The following GALNTL6 variants were observed in gnomAD, a reference collection of about 807,000 sequenced individuals.
The protein encoded by GALNTL6 is polypeptide N-acetylgalactosaminyltransferase like 6.
Under a neutral mutation model 73.7 loss-of-function variants are expected in GALNTL6, and 46 were observed. The ratio of observed to expected loss-of-function variants is 0.62; its 90% CI spans 0.49 to 0.80. The LOEUF is 0.80. Ranked by LOEUF, GALNTL6 falls within the 30% of genes least tolerant of loss-of-function variation. The probability of loss-of-function intolerance (pLI) is 0.00; values close to 1 mark genes in which losing one functional copy is unlikely to be tolerated. For synonymous variants in GALNTL6, 259 were observed against 263.7 expected (o/e 0.98, Z 0.17); for missense variants, 604 against 755.0 (o/e 0.80, Z 2.34).
intron 5 of GALNTL6, among the ~76,000 whole-genome samples, chr4:172,487,295 C>CTTCTTTCCTTCTTTCTTTCTTTCT (rs1554029530): frequency 3.7e-5 from 3 of 81,518 alleles, no homozygotes; most frequent in Non-Finnish European, 5.0e-5. Context: ...TCCTTCTTTC[C>CTTCTTTCCTTCTTTCTTTCTTTCT]TTCTGTCTTT....
At chr4:171,953,591 A>C (rs902376269) in intron 2 of GALNTL6, among the ~76,000 whole-genome samples, 16 of 152,314 alleles carry the variant, frequency 1.1e-4, no homozygotes, top group African/African-American at 3.6e-4. Flanking sequence ...ACCTAAATAC[A>C]AGACATTCAA....
At chr4:172,652,271 C>A (rs1029371088) in intron 5 of GALNTL6, among the ~76,000 whole-genome samples, 1 of 151,714 alleles carries the variant, frequency 6.6e-6, no homozygotes, top group Admixed American at 6.6e-5. Flanking sequence ...TTTTTTTCCT[C>A]AAAAAAGAAC....
intron 2 of GALNTL6, among the ~76,000 whole-genome samples, chr4:171,946,808 G>A (rs1738715303): frequency 6.6e-6 from 1 of 151,602 alleles, no homozygotes; most frequent in Non-Finnish European, 1.5e-5. Flanking sequence ...GATTTGGCAT[G>A]TTAGAGGGAC....
intron 5 of GALNTL6, among the ~76,000 whole-genome samples, chr4:172,460,159 C>T (rs1003836268): frequency 2.0e-5 from 3 of 152,180 alleles, no homozygotes; most frequent in Non-Finnish European, 1.5e-5. Context: ...GGAAAACTGG[C>T]TAGACATATG....
At chr4:172,627,552 A>G (rs1195080384) in intron 5 of GALNTL6, among the ~76,000 whole-genome samples, 1 of 150,984 alleles carries the variant, frequency 6.6e-6, no homozygotes, top group African/African-American at 2.4e-5. Flanking sequence ...TTTTTTTCGA[A>G]TAGTTTCAGT....
At chr4:172,939,701 G>A (rs1401715623) in intron 9 of GALNTL6, among the ~76,000 whole-genome samples, 1 of 152,122 alleles carries the variant, frequency 6.6e-6, no homozygotes, top group African/African-American at 2.4e-5. Context: ...CCTGCACTGG[G>A]GATGAATTTC....
chr4:171,878,950 T>C (rs4624628), intron 2 of GALNTL6, among the ~76,000 whole-genome samples: 146,515 of 152,268 alleles, frequency 0.96, 70,544 homozygotes, highest in East Asian at 1. Context: ...CCCTTTCACC[T>C]TCTGCCAGGA....
At chr4:172,758,591 G>T (rs546003048) in intron 5 of GALNTL6, among the ~76,000 whole-genome samples, 2 of 152,306 alleles carry the variant, frequency 1.3e-5, no homozygotes, top group South Asian at 4.1e-4. Context: ...ATCCCCATCA[G>T]TATATCTAAA....
At chr4:172,839,172 G>C (rs565435930) in intron 7 of GALNTL6, among the ~76,000 whole-genome samples, 3 of 152,152 alleles carry the variant, frequency 2.0e-5, no homozygotes, top group African/African-American at 7.2e-5. Flanking sequence ...CTTTGGGAGG[G>C]GCCCCAAGGT....
chr4:172,909,310 A>T lies in GALNTL6; in HGVS notation c.1042-21851A>T, dbSNP rs1007127560. ...AGATAGTCTCCTAAGTGTGTTTTAA[A>T]AAAAAAAAAAAACTAGAAGCAATCA... On this transcript the variant is annotated intron_variant, in intron 8 of 12. Coordinates refer to ENST00000506823, the MANE Select transcript of GALNTL6 (RefSeq NM_001034845.3). 4.0e-5 allele frequency among the ~76,000 whole-genome samples: 6 copies of T among 150,886 alleles called. No homozygotes were observed. In the East Asian group the frequency reaches 9.7e-4, roughly 24 times the overall value.
intron 3 of GALNTL6, among the ~76,000 whole-genome samples, chr4:172,242,783 T>C (rs1019119320): frequency 4.6e-5 from 7 of 152,198 alleles, no homozygotes; most frequent in African/African-American, 1.7e-4. Context: ...AAAATAACTA[T>C]AGTGGTTCTT....
intron 10 of GALNTL6, among the ~76,000 whole-genome samples, chr4:172,981,791 A>C (rs28705797): frequency 0.1 from 14,759 of 146,278 alleles, 918 homozygotes; most frequent in Non-Finnish European, 0.15. Flanking sequence ...GAGTAGTATG[A>C]ACGTCTTTTT....
chr4:172,405,427 ATATATATATATATATATTTTT>A (rs1169866135), intron 5 of GALNTL6, among the ~76,000 whole-genome samples: 13 of 19,182 alleles, frequency 6.8e-4, no homozygotes, highest in Admixed American at 1.6e-3. Flanking sequence ...ATATATATAT[ATATATATATATATATATTTTT>A]TTTTTTTTTT....
intron 2 of GALNTL6, among the ~76,000 whole-genome samples, chr4:171,986,908 G>T (rs1179583302): frequency 3.3e-5 from 5 of 152,150 alleles, no homozygotes; most frequent in African/African-American, 1.2e-4. Flanking sequence ...AATAGTACCA[G>T]GAGATATCAG....
chr4:172,308,194 A>G (rs10049953), intron 3 of GALNTL6, among the ~76,000 whole-genome samples: 2,755 of 150,878 alleles, frequency 0.018, 89 homozygotes, highest in African/African-American at 0.063. Flanking sequence ...TGGTAAATGA[A>G]TTCAGTAAAG....
intron 5 of GALNTL6, among the ~76,000 whole-genome samples, chr4:172,614,204 G>C (rs751665511): frequency 3.3e-5 from 5 of 151,856 alleles, no homozygotes; most frequent in Non-Finnish European, 7.4e-5. Context: ...CTTGTGTTCT[G>C]TTTATGTAAT....
chr4:171,991,759 C>CACAT (rs1352217765), intron 2 of GALNTL6, among the ~76,000 whole-genome samples: 2 of 143,050 alleles, frequency 1.4e-5, no homozygotes, highest in African/African-American at 5.1e-5. Context: ...TATATATACA[C>CACAT]ATATATATAC....
intron 2 of GALNTL6, among the ~76,000 whole-genome samples, chr4:171,974,156 C>T (rs1456551087): frequency 6.6e-6 from 1 of 151,876 alleles, no homozygotes; most frequent in African/African-American, 2.4e-5. Flanking sequence ...AGTGCCACCA[C>T]ACCCAGCTAA....
intron 5 of GALNTL6, among the ~76,000 whole-genome samples, chr4:172,737,586 A>G (rs988882995): frequency 6.6e-6 from 1 of 151,914 alleles, no homozygotes; most frequent in Non-Finnish European, 1.5e-5. Flanking sequence ...TGATCAGAAA[A>G]CTCACAAATT....
Sources: allele counts gnomAD v4.1 joint callset (sites outside exome capture counted in the v4.1 genomes callset), GRCh38; gene constraint gnomAD v4.1.1; transcripts MANE v1.5; gene names NCBI Gene and HGNC (gene_info 2026-07-23, HGNC 2026-07-21).